BCL11B: variants seen among roughly 807,000 people sequenced by gnomAD.
BCL11B encodes BCL11 transcription factor B.
BCL11B carries 8 observed loss-of-function variants against 49.9 expected under a neutral mutation model. That is an observed-to-expected ratio of 0.16 (90% confidence interval 0.09 to 0.29). The LOEUF (loss-of-function observed/expected upper bound fraction) is 0.29, where lower values mean the gene tolerates loss of function less well. Ranked by LOEUF, BCL11B falls within the 10% of genes least tolerant of loss-of-function variation. The probability of loss-of-function intolerance (pLI) is 1.00; values close to 1 mark genes in which losing one functional copy is unlikely to be tolerated. For missense variants in BCL11B, 1,006 were observed against 1,351.0 expected, an observed-to-expected ratio of 0.74 and a Z score of 4.00; for synonymous variants, 739 against 637.4, an observed-to-expected ratio of 1.16 and a Z score of -2.40.
At chr14:99,188,986 G>A (rs180881925) in intron 3 of BCL11B, among the ~76,000 whole-genome samples, 3 of 152,330 alleles carry the variant, frequency 2.0e-5, no homozygotes, top group African/African-American at 7.2e-5. Flanking sequence ...TGCCACAAAT[G>A]GTATTTTACT....
Position 99,169,486 on chromosome 14 carries a change from CCT to C in BCL11B, c.*4663_*4664del. 1 of 198,570 alleles carries C rather than the reference CCT, an allele frequency of 5.0e-6. No homozygotes were observed. Among genetic ancestry groups the C allele is most frequent in the Middle Eastern group, 1.7e-3 (1 of 586 alleles). The allele number at this position is 198,570 out of a possible 1,614,324, so 12.3% of individuals were successfully genotyped here. ...TTACTAAGCCATATTGAAATGACCTCCTGTCATCTCAACATTTTATCCATAAT... is the reference window on the plus strand; with the variant it reads ...TTACTAAGCCATATTGAAATGACCTCGTCATCTCAACATTTTATCCATAAT... On this transcript the variant is annotated 3_prime_UTR_variant, in exon 4 of 4. Coordinates refer to ENST00000357195, the MANE Select transcript of BCL11B (RefSeq NM_138576.4).
At chr14:99,221,485 G>A (rs1355280875) in intron 3 of BCL11B, among the ~76,000 whole-genome samples, 4 of 152,208 alleles carry the variant, frequency 2.6e-5, no homozygotes, top group Admixed American at 6.5e-5. Context: ...ATTACCCGGG[G>A]CTCAGGCTGG....
chr14:99,269,658 A>G (rs912302834), intron 1 of BCL11B, among the ~76,000 whole-genome samples: 3 of 151,230 alleles, frequency 2.0e-5, no homozygotes, highest in African/African-American at 4.8e-5. Context: ...ACCACTTTAT[A>G]TATTTATTTA....
rs1425361644 is a variant in BCL11B, at chr14:99,170,300, A to G, written c.*3851T>C. On this transcript the variant is annotated 3_prime_UTR_variant, in exon 4 of 4. Coordinates refer to ENST00000357195, the MANE Select transcript of BCL11B (RefSeq NM_138576.4). ...TGCAAAGGTAAGTGGCAAGGAGGAAAGAGTGCATCGAACAGAAAAGCTTCT... is the reference window on the plus strand; with the variant it reads ...TGCAAAGGTAAGTGGCAAGGAGGAAGGAGTGCATCGAACAGAAAAGCTTCT... The G allele has an allele frequency of 4.5e-5, 10 of 221,462 alleles. No homozygotes were observed. The East Asian group carries it at 6.0e-4, about 13-fold the overall frequency. The allele number at this position is 221,462 out of a possible 1,614,324, so 13.7% of individuals were successfully genotyped here.
chr14:99,254,101 G>A (rs935021561), intron 2 of BCL11B, among the ~76,000 whole-genome samples: 1 of 152,186 alleles, frequency 6.6e-6, no homozygotes, highest in African/African-American at 2.4e-5. Flanking sequence ...TTGGACGCCC[G>A]CTCCCTCCTC....
intron 3 of BCL11B, among the ~76,000 whole-genome samples, chr14:99,189,257 G>A (rs1348244978): frequency 6.6e-6 from 1 of 152,220 alleles, no homozygotes; most frequent in Non-Finnish European, 1.5e-5. Context: ...GCTGGCTGCC[G>A]GGACGTGGTC....
At chr14:99,221,420 G>A (rs1888004056) in intron 3 of BCL11B, among the ~76,000 whole-genome samples, 1 of 152,238 alleles carries the variant, frequency 6.6e-6, no homozygotes, top group Non-Finnish European at 1.5e-5. Flanking sequence ...CCTCCCTGGA[G>A]AAGTCCTGAG....
chr14:99,174,138 G>T lies in BCL11B; in HGVS notation c.*13C>A. 4 of 1,607,972 alleles carry T rather than the reference G, an allele frequency of 2.5e-6. No individual in the cohort carries two copies. Among genetic ancestry groups the T allele is most frequent in the Non-Finnish European group, 2.5e-6 (3 of 1,178,994 alleles). On this transcript the variant is annotated 3_prime_UTR_variant, in exon 4 of 4. Transcript: ENST00000357195. ...TTCCACTGTACAGGTGCGGGGCGCC[G>T]GGGCCCGCGCGCTTAGCTCCTCTCG... is the stretch of plus-strand genomic sequence containing the variant.
At chr14:99,233,298 C>T (rs1009242467) in intron 2 of BCL11B, among the ~76,000 whole-genome samples, 2 of 152,166 alleles carry the variant, frequency 1.3e-5, no homozygotes, top group Non-Finnish European at 2.9e-5. Flanking sequence ...AAAAGATCCA[C>T]ATTCCACTGG....
At chr14:99,251,987 T>C (rs1429369105) in intron 2 of BCL11B, among the ~76,000 whole-genome samples, 1 of 152,162 alleles carries the variant, frequency 6.6e-6, no homozygotes, top group Admixed American at 6.5e-5. Context: ...GAAATATATA[T>C]TTCAAGGTTG....
rs574941330 is a variant in BCL11B at position 99,170,068 on chromosome 14, T to C, written c.*4083A>G. The C allele has an allele frequency of 4.4e-6, 1 of 227,258 alleles. No individual in the cohort carries two copies. Among genetic ancestry groups the C allele is most frequent in the South Asian group, 1.8e-4 (1 of 5,458 alleles). The allele number at this position is 227,258 out of a possible 1,614,324, so 14.1% of individuals were successfully genotyped here. On this transcript the variant is annotated 3_prime_UTR_variant, in exon 4 of 4. Coordinates refer to ENST00000357195, the MANE Select transcript of BCL11B (RefSeq NM_138576.4). ...CACAGAGACACACAATGCTTGTGCTTTGGGATGGCTTAGTCCTGGCAATCT... is the reference window on the plus strand; with the variant it reads ...CACAGAGACACACAATGCTTGTGCTCTGGGATGGCTTAGTCCTGGCAATCT...
chr14:99,199,683 T>TGTGTGTGTGCGCGCGCGC (rs759599743), intron 3 of BCL11B, among the ~76,000 whole-genome samples: 37 of 73,728 alleles, frequency 5.0e-4, no homozygotes, highest in African/African-American at 1.2e-3. Context: ...TGTGTGTGTG[T>TGTGTGTGTGCGCGCGCGC]GCGCGCGCGC....
In BCL11B at chr14:99,174,812, G is replaced by A. The variant is rs902748229; in HGVS notation, c.2024C>T (p.Pro675Leu). The change falls in exon 4 of 4, where the codon CCG (proline) becomes CTG (leucine). Residue 675 changes from proline (P) to leucine (L), a missense_variant. By Grantham distance (98) the Pro-to-Leu change is moderately conservative. Around this residue, in one of 6 missense-constraint regions of BCL11B, gnomAD observed 443 missense variants for 499.7 expected, o/e 0.89. Transcript: ENST00000357195. The part of the protein sequence containing the change: ...FPGLFPRKPA[P>L]LPSPGLNSAA... The stretch of plus-strand genomic sequence containing the variant: ...GCTGTTGAGCCCGGGGCTGGGCAGC[G>A]GCGCGGGCTTGCGCGGGAAGAGCCC... 7.1e-6 allele frequency: 10 copies of A among 1,399,844 alleles called. No individual in the cohort carries two copies. The highest frequency in any genetic ancestry group is 1.5e-5 in the African/African-American group (1 of 66,428). 86.7% of individuals were successfully genotyped at this position (1,399,844 alleles called of 1,614,324 possible). A position where few individuals can be genotyped will look rare whatever the true frequency, so the allele number is the denominator to read the frequency against.
At chr14:99,223,425 G>A (rs1888068932) in intron 3 of BCL11B, among the ~76,000 whole-genome samples, 1 of 152,168 alleles carries the variant, frequency 6.6e-6, no homozygotes, top group Admixed American at 6.5e-5. Flanking sequence ...GGCCAGAATT[G>A]CTTAGACACA....
At chr14:99,181,420 A>G (rs1327204193) in intron 3 of BCL11B, among the ~76,000 whole-genome samples, 1 of 152,262 alleles carries the variant, frequency 6.6e-6, no homozygotes, top group African/African-American at 2.4e-5. Flanking sequence ...CGCTCAGAGA[A>G]GCAAAGCGGC....
At position 99,247,018 on chromosome 14, in the gene BCL11B, C is replaced by T. The variant is rs1434507236; in HGVS notation, c.427+10453G>A. On this transcript the variant is annotated intron_variant, in intron 2 of 3. Transcript: ENST00000357195. This position sits in a 1 kb window ranked among gnomAD's most constrained non-coding sequence, Gnocchi z 4.5. ...CCCCAGAGGGCTCCGCAGCCTGGAG[C>T]CTCGCGTCCCGCCTCCCCGCAACAC... is the stretch of plus-strand genomic sequence containing the variant. Among the ~76,000 whole-genome samples the T allele has an allele frequency of 6.6e-6, 1 of 152,158 alleles. No individual in the cohort carries two copies. The highest frequency in any genetic ancestry group is 1.5e-5 in the Non-Finnish European group (1 of 68,018).
rs117515729 is a variant in BCL11B at position 99,268,547 on chromosome 14, G to A, written c.58+2614C>T. On this transcript the variant is annotated intron_variant, in intron 1 of 3. Coordinates refer to ENST00000357195, the MANE Select transcript of BCL11B (RefSeq NM_138576.4). ...GGGCTCCAAAGCACCCTGAGTCCAC[G>A]GCTCCTGCATCATTTGTGGAGAGGC... is the stretch of plus-strand genomic sequence containing the variant. 7.3e-4 allele frequency among the ~76,000 whole-genome samples: 111 copies of A among 152,132 alleles called. 1 individual carries two copies. In the East Asian group the frequency reaches 0.019, roughly 26 times the overall value.
rs1054702514 is a variant in BCL11B at position 99,195,140 on chromosome 14, A to G, written c.641-18945T>C. On this transcript the variant is annotated intron_variant, in intron 3 of 3. Transcript: ENST00000357195. The surrounding 1 kb of genome is among the most constrained non-coding windows in gnomAD (Gnocchi z 4.7). ...GCCTTCAGACTCCTCTTCTGCCCAG[A>G]TGATCAGGGGACTGAAAAGTACCTA... 6.6e-6 allele frequency among the ~76,000 whole-genome samples: 1 copy of G among 152,152 alleles called. No individual in the cohort carries two copies. The highest frequency in any genetic ancestry group is 1.5e-5 in the Non-Finnish European group (1 of 68,026).
At chr14:99,250,576 A>T (rs905730005) in intron 2 of BCL11B, among the ~76,000 whole-genome samples, 1 of 152,196 alleles carries the variant, frequency 6.6e-6, no homozygotes, top group South Asian at 2.1e-4. Flanking sequence ...CAGATTCTAG[A>T]CCTGGTGGTT....
Sources: allele counts gnomAD v4.1 joint callset (sites outside exome capture counted in the v4.1 genomes callset), GRCh38; gene constraint gnomAD v4.1.1; regional missense constraint gnomAD v4.1.1; non-coding constraint Gnocchi (gnomAD v3.1); transcripts MANE v1.5; gene names NCBI Gene and HGNC (gene_info 2026-07-23, HGNC 2026-07-21).